The following MADD variants were observed in gnomAD, a reference collection of about 807,000 sequenced individuals.
The protein encoded by MADD is MAP kinase activating death domain.
A neutral mutation model predicts 176.7 loss-of-function variants in MADD; 109 were observed. That is an observed-to-expected ratio of 0.62 (90% CI 0.53 to 0.72). The LOEUF (loss-of-function observed/expected upper bound fraction) is 0.72. MADD is among the 30% of genes least tolerant of loss of function. MADD has a pLI of 0.00. For missense variants in MADD, 1,914 were observed against 2,045.5 expected, an observed-to-expected ratio of 0.94 and a Z score of 1.24; for synonymous variants, 771 against 771.3, an observed-to-expected ratio of 1.00 and a Z score of 0.01.
At chr11:47,289,354 A>G (rs1203430838) in intron 15 of MADD, 37 bp from the exon 17 acceptor site, 8 of 1,520,408 alleles carry the variant, frequency 5.3e-6, no homozygotes, top group Middle Eastern at 1.7e-4. Flanking sequence ...CTGTACTACA[A>G]TAGTGATGTC....
At position 47,296,057 on chromosome 11, in the gene MADD, T is replaced by C; in HGVS notation, c.3642+2T>C. The C allele has an allele frequency of 6.2e-7, 1 of 1,609,392 alleles. No homozygotes were observed. ...AACTCTGCCACAAGCACCATCTTTG[T>C]AAGCTTTGTTTATTAACAAAAGAAA... is the stretch of plus-strand genomic sequence containing the variant. On this transcript the variant is annotated splice_donor_variant, in intron 22 of 32. Coordinates refer to ENST00000402192, the Ensembl canonical transcript of MADD. LOFTEE classifies it high-confidence loss of function.
chr11:47,292,078 C>T (rs1592923101), intron 19 of MADD, among the ~76,000 whole-genome samples: 1 of 152,146 alleles, frequency 6.6e-6, no homozygotes, highest in African/African-American at 2.4e-5. Flanking sequence ...GGTGTTCTTC[C>T]TTCTGAAACT....
At chr11:47,303,075 T>C (rs917754645) in intron 22 of MADD, among the ~76,000 whole-genome samples, 1 of 152,200 alleles carries the variant, frequency 6.6e-6, no homozygotes, top group Non-Finnish European at 1.5e-5. Flanking sequence ...CCTTCATTTC[T>C]GAAGCACAAC....
intron 26 of MADD, among the ~76,000 whole-genome samples, chr11:47,314,801 A>G (rs1017749395): frequency 1.3e-5 from 2 of 152,238 alleles, no homozygotes; most frequent in African/African-American, 2.4e-5. Flanking sequence ...GGAGAATGCA[A>G]CTATTTGATT....
chr11:47,284,036 T>G (rs923774604), intron 10 of MADD, 142 bp from the exon 11 acceptor site: 8 of 644,002 alleles, frequency 1.2e-5, no homozygotes, highest in Non-Finnish European at 1.7e-5. Context: ...TTTGGTTGAC[T>G]GTTTTTCTTG....
intron 22 of MADD, among the ~76,000 whole-genome samples, chr11:47,307,188 A>G (rs924871800): frequency 6.6e-6 from 1 of 151,834 alleles, no homozygotes; most frequent in Non-Finnish European, 1.5e-5. Context: ...TGCCAGGACT[A>G]TAGATGTGAG....
chr11:47,289,030 G>C lies in MADD; in HGVS notation c.2654-361G>C, dbSNP rs773709753. 2.1e-5 allele frequency: 34 copies of C among 1,591,494 alleles called. No individual in the cohort carries two copies. The highest frequency in any genetic ancestry group is 2.8e-5 in the Non-Finnish European group (33 of 1,174,116). On this transcript the variant is annotated intron_variant, in intron 15 of 32. Coordinates refer to ENST00000402192, the Ensembl canonical transcript of MADD. ...AGCCGGCCCCGGGAGTGGTGAAGGT[G>C]GGTCTTGCCTGTGAGCTGTGCATGA...
At chr11:47,322,534 C>A (rs1170995223) in intron 27 of MADD, among the ~76,000 whole-genome samples, 1 of 152,036 alleles carries the variant, frequency 6.6e-6, no homozygotes, top group Non-Finnish European at 1.5e-5. Flanking sequence ...ATGGCGTGAA[C>A]CTGGGAGGCG....
Position 47,276,053 on chromosome 11 carries a change from C to G in MADD, c.814C>G (p.Leu272Val), listed in dbSNP as rs937727195. 3.7e-6 allele frequency: 6 copies of G among 1,614,212 alleles called. No homozygotes were observed. In the East Asian group the frequency reaches 1.3e-4, roughly 36 times the overall value. The change falls in exon 4 of 33, where the codon CTA becomes GTA. Residue 272 changes from leucine to valine, a missense_variant. Leu to Val is a conservative substitution (Grantham distance 32, BLOSUM62 1). Transcript: ENST00000402192. ...GCAGAAGCGAGTAGACATCGAGGTC[C>G]TACCCCAAGAGCTCCAGCCAGCTCT... is the stretch of plus-strand genomic sequence containing the variant.
intron 19 of MADD, chr11:47,292,593 C>CA: frequency 6.2e-7 from 1 of 1,613,982 alleles, no homozygotes; most frequent in Non-Finnish European, 8.5e-7. Context: ...TTTGGAAAAA[C>CA]AGAGTAAGGA....
intron 12 of MADD, 130 bp downstream of exon 12, chr11:47,284,695 C>T: frequency 7.5e-7 from 1 of 1,336,400 alleles, no homozygotes; most frequent in South Asian, 1.4e-5. Flanking sequence ...TTCATGGGCC[C>T]TAGAGCTTAG....
intron 18 of MADD, 89 bp from the exon 20 acceptor site, chr11:47,290,521 C>T: frequency 7.2e-7 from 1 of 1,379,768 alleles, no homozygotes; most frequent in Middle Eastern, 2.1e-4. Context: ...CCATTCCGCA[C>T]CCTCCTGTAT....
intron 32 of MADD, 48 bp from the exon 37 acceptor site, chr11:47,328,998 G>A (rs1214211670): frequency 3.5e-6 from 5 of 1,431,130 alleles, no homozygotes; most frequent in Non-Finnish European, 4.9e-6. Flanking sequence ...CACATATGGA[G>A]ATGGAGGAGT....
At chr11:47,324,431 C>T (rs2095130323) in intron 29 of MADD, 40 bp from the exon 33 acceptor site, 5 of 1,600,638 alleles carry the variant, frequency 3.1e-6, no homozygotes, top group South Asian at 1.1e-5. Flanking sequence ...TGGGATTCCC[C>T]ACCTCACCAG....
chr11:47,277,748 C>T (rs1437868858), intron 5 of MADD, among the ~76,000 whole-genome samples: 1 of 152,168 alleles, frequency 6.6e-6, no homozygotes, highest in Non-Finnish European at 1.5e-5. Flanking sequence ...GAGATGGCTA[C>T]AGGCTGGACA....
In MADD at chr11:47,329,266, A is replaced by C. The variant is rs966273682; in HGVS notation, c.*116A>C. The stretch of plus-strand genomic sequence containing the variant: ...GGATGATGCTCGTGTGTCCTCTGCA[A>C]GCCCCCTGCTGTGGCTTGGTTGGTT... On this transcript the variant is annotated 3_prime_UTR_variant, in exon 33 of 33. Transcript: ENST00000402192. The C allele has an allele frequency of 1.4e-5, 11 of 800,530 alleles. No individual in the cohort carries two copies. In the African/African-American group the frequency reaches 1.8e-4, roughly 13 times the overall value. The allele number at this position is 800,530 out of a possible 1,614,324, so 49.6% of individuals were successfully genotyped here.
rs746611441 is a variant in MADD at position 47,293,932 on chromosome 11, A to G, written c.3351A>G (p.Lys1117=). The change falls in exon 20 of 33, where the codon AAA becomes AAG. Residue 1117 remains lysine, a synonymous_variant. Transcript: ENST00000402192. ...TTGACCTTGGTGAGACAGAGGAGAA[A>G]AAGTCCCAGATCAGCGCAGACAGTG... The G allele has an allele frequency of 7.4e-6, 12 of 1,614,060 alleles. No homozygotes were observed. In the Admixed American group the frequency reaches 8.3e-5, roughly 11 times the overall value.
At chr11:47,275,678 T>TAG (rs2049056416) in intron 3 of MADD, among the ~76,000 whole-genome samples, 1 of 152,248 alleles carries the variant, frequency 6.6e-6, no homozygotes, top group African/African-American at 2.4e-5. Context: ...ATTTGGTGTT[T>TAG]TAACTGTGGT....
chr11:47,279,203 A>C (rs562401220), intron 7 of MADD, 124 bp downstream of exon 7: 2 of 879,092 alleles, frequency 2.3e-6, no homozygotes, highest in Non-Finnish European at 3.6e-6. Context: ...TTCACCCTGG[A>C]TGGGCTTAAG....
Sources: gnomAD v4.1 joint callset for allele counts (sites outside exome capture counted in the v4.1 genomes callset) on GRCh38, gnomAD v4.1.1 for gene constraint, MANE v1.5 for transcripts, NCBI Gene and HGNC (gene_info 2026-07-23, HGNC 2026-07-21) for gene names.